The following WWOX variants were observed in gnomAD, a reference collection of about 807,000 sequenced individuals.
WWOX encodes WW domain-containing oxidoreductase.
A neutral mutation model predicts 46.2 loss-of-function variants in WWOX; 69 were observed. That is an observed-to-expected ratio of 1.49 (90% confidence interval 1.23 to 1.82). The LOEUF (loss-of-function observed/expected upper bound fraction) is 1.82. Among genes scored for constraint, WWOX ranks in the 40% most tolerant of loss-of-function variants. The pLI is 0.00. For missense variants in WWOX, 919 were observed against 542.6 expected (o/e 1.69, Z -6.89); for synonymous variants, 359 against 202.6 (o/e 1.77, Z -6.56).
At chr16:78,905,802 C>T (rs2044947932) in intron 8 of WWOX, among the ~76,000 whole-genome samples, 2 of 152,138 alleles carry the variant, frequency 1.3e-5, no homozygotes, top group South Asian at 4.1e-4. Flanking sequence ...CTTCTTAGAA[C>T]CATGAGCTAA....
rs773965556 is a variant in WWOX, at chr16:78,724,799, T to TTG, written c.1056+292061_1056+292062dup. Among the ~76,000 whole-genome samples the TTG allele has an allele frequency of 1.8e-3, 271 of 151,918 alleles. 4 individuals carry two copies. Among genetic ancestry groups the TTG allele is most frequent in the Middle Eastern group, 6.8e-3 (2 of 292 alleles). On this transcript the variant is annotated intron_variant, in intron 8 of 8. Transcript: ENST00000566780. ...GCAGTGATTTGATGATTTGATGAAG[T>TTG]TGTGTGTGTGTGTGTAGTTTTTCAG...
At chr16:78,955,958 T>G (rs1597203497) in intron 8 of WWOX, among the ~76,000 whole-genome samples, 1 of 151,906 alleles carries the variant, frequency 6.6e-6, no homozygotes, top group East Asian at 1.9e-4. Flanking sequence ...TCTGGCCTTC[T>G]TTTCACTTTA....
intron 8 of WWOX, among the ~76,000 whole-genome samples, chr16:79,186,654 A>G (rs1177062962): frequency 1.3e-5 from 2 of 152,262 alleles, no homozygotes; most frequent in African/African-American, 4.8e-5. Flanking sequence ...TCTTCGGGAC[A>G]TGATTCAACC....
intron 8 of WWOX, among the ~76,000 whole-genome samples, chr16:79,052,316 T>G (rs558212346): frequency 3.3e-5 from 5 of 152,294 alleles, no homozygotes; most frequent in Admixed American, 3.3e-4. Context: ...TGCGATAGTT[T>G]ACTGACAGTG....
chr16:78,668,166 G>A (rs958379799), intron 8 of WWOX, among the ~76,000 whole-genome samples: 1 of 152,152 alleles, frequency 6.6e-6, no homozygotes, highest in Non-Finnish European at 1.5e-5. Context: ...TGTAATCCCA[G>A]CTACTCGGGA....
chr16:78,936,303 C>G (rs2045735999), intron 8 of WWOX, among the ~76,000 whole-genome samples: 1 of 152,130 alleles, frequency 6.6e-6, no homozygotes, highest in Non-Finnish European at 1.5e-5. Flanking sequence ...GGCTGCGTCC[C>G]AAGTGGTCCA....
chr16:79,201,431 C>T (rs538836466), intron 8 of WWOX, among the ~76,000 whole-genome samples: 3 of 151,262 alleles, frequency 2.0e-5, no homozygotes, highest in Admixed American at 6.6e-5. Flanking sequence ...GATTTGTACA[C>T]GATGCCTGAG....
chr16:79,011,164 C>CAG (rs1038019010), intron 8 of WWOX, among the ~76,000 whole-genome samples: 4 of 124,260 alleles, frequency 3.2e-5, no homozygotes, highest in East Asian at 7.1e-4. Context: ...CACACACACA[C>CAG]ACACACACAC....
chr16:78,224,801 T>A (rs2036998143), intron 5 of WWOX, among the ~76,000 whole-genome samples: 1 of 152,240 alleles, frequency 6.6e-6, no homozygotes, highest in African/African-American at 2.4e-5. Context: ...AGCTGAGTAG[T>A]AAGAGAAAGG....
intron 8 of WWOX, among the ~76,000 whole-genome samples, chr16:78,664,924 C>T (rs1191729691): frequency 2.0e-5 from 3 of 152,316 alleles, no homozygotes; most frequent in East Asian, 3.9e-4. Context: ...TTGGCTCTGT[C>T]ATGTGTCAGC....
intron 8 of WWOX, among the ~76,000 whole-genome samples, chr16:78,963,623 A>C (rs1009035574): frequency 3.9e-5 from 6 of 152,212 alleles, no homozygotes; most frequent in African/African-American, 1.4e-4. Flanking sequence ...GCTTTTTAAA[A>C]ATAATTAAGG....
intron 8 of WWOX, among the ~76,000 whole-genome samples, chr16:78,980,709 G>T (rs938315001): frequency 1.3e-5 from 2 of 152,042 alleles, no homozygotes; most frequent in Non-Finnish European, 2.9e-5. Context: ...AAGGGGACCC[G>T]GATCAGCTCC....
At chr16:78,274,585 C>T (rs1374419804) in intron 5 of WWOX, among the ~76,000 whole-genome samples, 1 of 152,156 alleles carries the variant, frequency 6.6e-6, no homozygotes, top group Non-Finnish European at 1.5e-5. Context: ...TTCTGGTGAA[C>T]ACATCCAATG....
At chr16:78,309,341 T>G (rs1195213635) in intron 5 of WWOX, among the ~76,000 whole-genome samples, 5 of 152,170 alleles carry the variant, frequency 3.3e-5, no homozygotes, top group Non-Finnish European at 7.3e-5. Context: ...GATTATAAGT[T>G]TCTTGAGGCC....
chr16:78,514,299 T>C (rs1418705741), intron 8 of WWOX, among the ~76,000 whole-genome samples: 2 of 152,248 alleles, frequency 1.3e-5, no homozygotes, highest in Non-Finnish European at 2.9e-5. Flanking sequence ...ATAAGCACAT[T>C]AATTATGTGC....
chr16:78,849,812 C>T (rs2052396453), intron 8 of WWOX, among the ~76,000 whole-genome samples: 1 of 151,978 alleles, frequency 6.6e-6, no homozygotes, highest in Non-Finnish European at 1.5e-5. Flanking sequence ...GTGGCTCATG[C>T]CTGTAATCCC....
At chr16:78,675,952 C>T (rs115345964) in intron 8 of WWOX, among the ~76,000 whole-genome samples, 130 of 151,956 alleles carry the variant, frequency 8.6e-4, no homozygotes, top group African/African-American at 3.0e-3. Flanking sequence ...CTTCTCTGTC[C>T]CACCACAAAC....
intron 5 of WWOX, chr16:78,278,743 A>G: frequency 7.8e-7 from 1 of 1,276,418 alleles, no homozygotes; most frequent in East Asian, 2.5e-5. Flanking sequence ...TCATGTTTTG[A>G]CTTCTATCTC....
intron 5 of WWOX, among the ~76,000 whole-genome samples, chr16:78,323,104 AT>A (rs199808142): frequency 4.6e-5 from 7 of 150,812 alleles, no homozygotes; most frequent in Admixed American, 1.3e-4. Context: ...GGGTTCTTGT[AT>A]TTTTTTTTGT....
Sources: allele counts gnomAD v4.1 joint callset (sites outside exome capture counted in the v4.1 genomes callset), GRCh38; gene constraint gnomAD v4.1.1; transcripts MANE v1.5; gene names NCBI Gene and HGNC (gene_info 2026-07-23, HGNC 2026-07-21).